The following NKAIN2 variants were observed in gnomAD, a reference collection of about 807,000 sequenced individuals.
The protein encoded by NKAIN2 is sodium/potassium transporting ATPase interacting 2.
In NKAIN2, 14 loss-of-function variants were observed where a neutral mutation model predicts 32.6. The observed-to-expected ratio is 0.43, with a 90% CI of 0.28 to 0.67. The LOEUF (loss-of-function observed/expected upper bound fraction) is 0.67. Among genes scored for constraint, NKAIN2 ranks in the 30% least tolerant of loss-of-function variants. The pLI is 0.17. For synonymous variants in NKAIN2, 80 were observed against 87.2 expected (o/e 0.92, Z 0.46); for missense variants, 198 against 258.3 (o/e 0.77, Z 1.60).
At chr6:124,756,137 C>CATAA (rs1282073356) in intron 4 of NKAIN2, among the ~76,000 whole-genome samples, 1 of 152,054 alleles carries the variant, frequency 6.6e-6, no homozygotes, top group East Asian at 1.9e-4. Context: ...TATATTTTTA[C>CATAA]ATAAATAAAT....
chr6:124,370,145 C>CGCTACA (rs1415803618), intron 3 of NKAIN2, among the ~76,000 whole-genome samples: 1 of 150,950 alleles, frequency 6.6e-6, no homozygotes, highest in Non-Finnish European at 1.5e-5. Flanking sequence ...TAGTTCAGTA[C>CGCTACA]GCTACAGGTA....
intron 1 of NKAIN2, among the ~76,000 whole-genome samples, chr6:124,240,049 A>T (rs1089566): frequency 0.57 from 85,984 of 151,924 alleles, 26,608 homozygotes; most frequent in South Asian, 0.72. Context: ...ACAATAAAAA[A>T]TGATAAAGGG....
chr6:123,959,095 A>C (rs1777726978), intron 1 of NKAIN2, among the ~76,000 whole-genome samples: 1 of 152,068 alleles, frequency 6.6e-6, no homozygotes, highest in East Asian at 1.9e-4. Flanking sequence ...AGAGTTTGTG[A>C]GAGGGGTTTA....
In NKAIN2 at chr6:124,132,830, T is replaced by G. The variant is rs1376495019; in HGVS notation, c.55-150175T>G. Among the ~76,000 whole-genome samples, 24 of 152,204 alleles carry G rather than the reference T, an allele frequency of 1.6e-4. 1 individual carries two copies. The highest frequency in any genetic ancestry group is 1.5e-3 in the Admixed American group (23 of 15,284). ...CCAACACAGAGCCTGGTAGCCCCACTGGGTGACTAGGCCTGGAAGAGCAAT... is the reference window on the plus strand; with the variant it reads ...CCAACACAGAGCCTGGTAGCCCCACGGGGTGACTAGGCCTGGAAGAGCAAT... On this transcript the variant is annotated intron_variant, in intron 1 of 6. Transcript: ENST00000368417.
Position 124,681,642 on chromosome 6 carries a change from A to G in NKAIN2, c.474+23256A>G, listed in dbSNP as rs183111877. Among the ~76,000 whole-genome samples, 13 of 152,160 alleles carry G rather than the reference A, an allele frequency of 8.5e-5. No homozygotes were observed. In the East Asian group the frequency reaches 2.5e-3, roughly 29 times the overall value. On this transcript the variant is annotated intron_variant, in intron 4 of 6. Coordinates refer to ENST00000368417, the MANE Select transcript of NKAIN2 (RefSeq NM_001040214.3). ...ATTCTGGTTACTTTGCTTATTGCCA[A>G]AGTATATGCATAGTGTATGTGCTCT...
intron 3 of NKAIN2, among the ~76,000 whole-genome samples, chr6:124,641,529 G>GTTTTT (rs1562300001): frequency 8.4e-5 from 2 of 23,832 alleles, no homozygotes; most frequent in African/African-American, 1.1e-4. Context: ...TAAAACACTA[G>GTTTTT]CTTTTTTTTT....
At chr6:124,325,757 A>G (rs1193946785) in intron 2 of NKAIN2, among the ~76,000 whole-genome samples, 1 of 152,074 alleles carries the variant, frequency 6.6e-6, no homozygotes, top group Non-Finnish European at 1.5e-5. Flanking sequence ...GGTGTTAGAA[A>G]TGTTTTATGT....
intron 2 of NKAIN2, among the ~76,000 whole-genome samples, chr6:124,345,541 C>T (rs1423758225): frequency 6.6e-6 from 1 of 151,888 alleles, no homozygotes; most frequent in African/African-American, 2.4e-5. Flanking sequence ...AGAGATTCAA[C>T]TTCTTCCTGG....
intron 1 of NKAIN2, among the ~76,000 whole-genome samples, chr6:124,083,237 A>G (rs1450756648): frequency 1.3e-5 from 2 of 151,872 alleles, no homozygotes; most frequent in Non-Finnish European, 2.9e-5. Context: ...AGATTAGTAT[A>G]CTCATCTGTA....
chr6:124,804,858 G>A lies in NKAIN2; in HGVS notation c.535+13459G>A, dbSNP rs569508032. On this transcript the variant is annotated intron_variant, in intron 5 of 6. Transcript: ENST00000368417. Reference sequence around the variant, plus strand: ...GAGATTATATGCTGCACCTGGCTCCGAGGGTCCTATGCCCACGGAGTCTCA... The same window carrying A: ...GAGATTATATGCTGCACCTGGCTCCAAGGGTCCTATGCCCACGGAGTCTCA... 8.2e-4 allele frequency among the ~76,000 whole-genome samples: 125 copies of A among 152,294 alleles called. No individual in the cohort carries two copies. In the South Asian group the frequency reaches 0.016, roughly 19 times the overall value.
chr6:124,730,820 G>T (rs1273110180), intron 4 of NKAIN2, among the ~76,000 whole-genome samples: 2 of 151,138 alleles, frequency 1.3e-5, no homozygotes, highest in African/African-American at 4.9e-5. Flanking sequence ...ATCTGACAAA[G>T]GGCTAATATC....
At chr6:124,736,610 G>A (rs1039182237) in intron 4 of NKAIN2, among the ~76,000 whole-genome samples, 1 of 151,900 alleles carries the variant, frequency 6.6e-6, no homozygotes, top group Non-Finnish European at 1.5e-5. Flanking sequence ...AAGTCCTAAG[G>A]ACCTCAAGAA....
chr6:124,546,045 C>T (rs772540916), intron 3 of NKAIN2, among the ~76,000 whole-genome samples: 8 of 151,870 alleles, frequency 5.3e-5, no homozygotes, highest in South Asian at 2.1e-4. Context: ...GTTTTGTTTC[C>T]GTATTTCTTT....
chr6:123,957,550 A>G (rs1387466887), intron 1 of NKAIN2, among the ~76,000 whole-genome samples: 2 of 152,160 alleles, frequency 1.3e-5, no homozygotes. Context: ...AAAAGTCTTT[A>G]CTTGTAAGAA....
chr6:124,587,669 C>G (rs183782178), intron 3 of NKAIN2, among the ~76,000 whole-genome samples: 42 of 152,292 alleles, frequency 2.8e-4, no homozygotes, highest in African/African-American at 9.9e-4. Flanking sequence ...CATGGTGAGA[C>G]CAGTCTGAAC....
At chr6:124,216,049 C>T (rs1024577749) in intron 1 of NKAIN2, among the ~76,000 whole-genome samples, 48 of 146,574 alleles carry the variant, frequency 3.3e-4, no homozygotes, top group Middle Eastern at 3.4e-3. Context: ...ACCCGGGAGG[C>T]AGAGGTTGCA....
At chr6:124,746,071 A>G (rs1000709379) in intron 4 of NKAIN2, among the ~76,000 whole-genome samples, 2 of 151,716 alleles carry the variant, frequency 1.3e-5, no homozygotes, top group African/African-American at 4.8e-5. Context: ...TCAGATATCA[A>G]CTCTACAGAA....
intron 1 of NKAIN2, among the ~76,000 whole-genome samples, chr6:123,937,749 G>A (rs1323427333): frequency 1.3e-5 from 2 of 152,056 alleles, no homozygotes; most frequent in Non-Finnish European, 2.9e-5. Flanking sequence ...TCTTAATAGA[G>A]CCCAATTTGT....
chr6:124,222,230 T>G (rs766547189), intron 1 of NKAIN2, among the ~76,000 whole-genome samples: 3 of 152,134 alleles, frequency 2.0e-5, no homozygotes, highest in Non-Finnish European at 4.4e-5. Context: ...GTTGTGTCAG[T>G]CAAGAAAAGG....
Sources: allele counts gnomAD v4.1 joint callset (sites outside exome capture counted in the v4.1 genomes callset), GRCh38; gene constraint gnomAD v4.1.1; transcripts MANE v1.5; gene names NCBI Gene and HGNC (gene_info 2026-07-23, HGNC 2026-07-21).